The following FOXP1 variants were observed in gnomAD, a reference collection of about 807,000 sequenced individuals.
FOXP1 encodes the protein forkhead box protein P1.
In FOXP1, 15 loss-of-function variants were observed where a neutral mutation model predicts 98.2. The observed-to-expected ratio is 0.15, with a 90% CI of 0.10 to 0.24. The LOEUF is 0.24. Ranked by LOEUF, FOXP1 falls within the 10% of genes least tolerant of loss-of-function variation. The probability of loss-of-function intolerance (pLI) is 1.00; values close to 1 mark genes in which losing one functional copy is unlikely to be tolerated. For synonymous variants in FOXP1, 371 were observed against 314.5 expected (o/e 1.18, Z -1.90); for missense variants, 633 against 848.5 (o/e 0.75, Z 3.15).
intron 5 of FOXP1, among the ~76,000 whole-genome samples, chr3:71,260,128 C>T (rs906600227): frequency 2.0e-5 from 3 of 152,182 alleles, no homozygotes; most frequent in Non-Finnish European, 4.4e-5. Flanking sequence ...GGACTACAGG[C>T]ACCTGCCACC....
At chr3:71,061,946 C>T (rs929702784) in intron 7 of FOXP1, among the ~76,000 whole-genome samples, 1 of 152,188 alleles carries the variant, frequency 6.6e-6, no homozygotes, top group African/African-American at 2.4e-5. Context: ...TTAACCAAGA[C>T]AAACCTGAAC....
chr3:71,196,135 C>T (rs534791263), intron 6 of FOXP1, among the ~76,000 whole-genome samples: 34 of 152,180 alleles, frequency 2.2e-4, no homozygotes, highest in South Asian at 1.4e-3. Flanking sequence ...AATGTGTCAA[C>T]GACATACGGA....
intron 6 of FOXP1, among the ~76,000 whole-genome samples, chr3:71,179,171 G>A (rs1490334229): frequency 1.8e-5 from 2 of 108,622 alleles, no homozygotes; most frequent in Admixed American, 2.5e-4. Context: ...GTCACTTTCT[G>A]TCACCCAGGC....
intron 5 of FOXP1, among the ~76,000 whole-genome samples, chr3:71,279,092 T>C (rs1186747972): frequency 3.6e-5 from 5 of 138,098 alleles, no homozygotes; most frequent in Admixed American, 8.2e-5. Flanking sequence ...ATTTGGGAGA[T>C]AGAGTCAGGA....
intron 5 of FOXP1, among the ~76,000 whole-genome samples, chr3:71,198,816 C>T (rs1459879790): frequency 2.0e-5 from 3 of 151,818 alleles, no homozygotes; most frequent in East Asian, 1.9e-4. Context: ...CCTCAGCCTC[C>T]GAGTAGCTAG....
intron 7 of FOXP1, among the ~76,000 whole-genome samples, chr3:71,103,423 C>G (rs11128207): frequency 0.066 from 9,985 of 151,680 alleles, 1,127 homozygotes; most frequent in African/African-American, 0.23. Context: ...TTTCTCTAAG[C>G]ACCAAACTTT....
At chr3:71,234,902 T>G (rs920384385) in intron 5 of FOXP1, among the ~76,000 whole-genome samples, 4 of 152,142 alleles carry the variant, frequency 2.6e-5, no homozygotes, top group Non-Finnish European at 5.9e-5. Flanking sequence ...GGTGAAAATT[T>G]TAAGCACTTA....
At chr3:71,395,269 C>T (rs72957391) in intron 3 of FOXP1, among the ~76,000 whole-genome samples, 5,758 of 150,862 alleles carry the variant, frequency 0.038, 379 homozygotes, top group African/African-American at 0.13. Context: ...AAGAATAAAG[C>T]TCGGCGTCTT....
At chr3:71,263,443 A>T (rs1386376769) in intron 5 of FOXP1, among the ~76,000 whole-genome samples, 1 of 152,180 alleles carries the variant, frequency 6.6e-6, no homozygotes. Flanking sequence ...CTGGGGCCTG[A>T]ATTAAATGCT....
At chr3:71,304,767 T>C (rs1420475328) in intron 4 of FOXP1, 1 of 152,208 alleles carries the variant, frequency 6.6e-6, no homozygotes, top group East Asian at 1.9e-4. Context: ...GACTGATTTG[T>C]ACCCAAGAAG....
intron 5 of FOXP1, among the ~76,000 whole-genome samples, chr3:71,234,921 G>C (rs1436871717): frequency 1.3e-5 from 2 of 152,216 alleles, no homozygotes; most frequent in Non-Finnish European, 2.9e-5. Context: ...TAACAAGTAA[G>C]TGGGCGCATT....
chr3:71,013,986 T>C (rs1410961797), intron 12 of FOXP1, among the ~76,000 whole-genome samples: 1 of 152,200 alleles, frequency 6.6e-6, no homozygotes, highest in African/African-American at 2.4e-5. Flanking sequence ...TTACACCTTA[T>C]ACAAAAATTA....
At chr3:71,141,747 T>C (rs2060082064) in intron 6 of FOXP1, among the ~76,000 whole-genome samples, 1 of 151,384 alleles carries the variant, frequency 6.6e-6, no homozygotes, top group African/African-American at 2.4e-5. Context: ...AATCCAGAAA[T>C]AATTAGAGCC....
intron 3 of FOXP1, among the ~76,000 whole-genome samples, chr3:71,444,459 C>T (rs529557824): frequency 3.3e-5 from 5 of 151,934 alleles, no homozygotes; most frequent in South Asian, 2.1e-4. Flanking sequence ...AGCATCACCA[C>T]GACTCACTGT....
At chr3:71,289,486 TG>T (rs2072525260) in intron 5 of FOXP1, 3 of 151,174 alleles carry the variant, frequency 2.0e-5, no homozygotes, top group Admixed American at 6.6e-5. Context: ...CCTGAGTAGC[TG>T]GAACTACAGG....
At chr3:71,344,140 C>T (rs764241661) in intron 4 of FOXP1, among the ~76,000 whole-genome samples, 9 of 152,162 alleles carry the variant, frequency 5.9e-5, no homozygotes, top group Non-Finnish European at 8.8e-5. Context: ...GCATTGCATA[C>T]GCATATCAGT....
At chr3:71,111,665 C>T (rs1177470714) in intron 7 of FOXP1, among the ~76,000 whole-genome samples, 1 of 152,182 alleles carries the variant, frequency 6.6e-6, no homozygotes, top group African/African-American at 2.4e-5. Flanking sequence ...TCCCAAAGTG[C>T]TGGGATTACA....
intron 11 of FOXP1, among the ~76,000 whole-genome samples, chr3:71,026,484 C>T (rs1186164070): frequency 1.3e-5 from 2 of 152,138 alleles, no homozygotes; most frequent in African/African-American, 2.4e-5. Context: ...GCCTCACGGT[C>T]GTTCTGGACT....
intron 3 of FOXP1, among the ~76,000 whole-genome samples, chr3:71,433,406 T>C (rs2084913451): frequency 6.6e-6 from 1 of 152,216 alleles, no homozygotes; most frequent in Non-Finnish European, 1.5e-5. Context: ...TGTGTGTTCC[T>C]GAAATGCACG....
Sources: gnomAD v4.1 joint callset for allele counts (sites outside exome capture counted in the v4.1 genomes callset) on GRCh38, gnomAD v4.1.1 for gene constraint, MANE v1.5 for transcripts, NCBI Gene and HGNC (gene_info 2026-07-23, HGNC 2026-07-21) for gene names.